The following PACS1 variants were observed in gnomAD, a reference collection of about 807,000 sequenced individuals.
PACS1 encodes the protein PACS-1.
A neutral mutation model predicts 115.0 loss-of-function variants in PACS1; 24 were observed. The ratio of observed to expected loss-of-function variants is 0.21; its 90% confidence interval spans 0.15 to 0.29. PACS1 has a LOEUF of 0.29. PACS1 is among the 10% of genes least tolerant of loss of function. PACS1 has a pLI of 1.00. For synonymous variants in PACS1, 453 were observed against 504.5 expected (o/e 0.90, Z 1.37); for missense variants, 838 against 1,251.2 (o/e 0.67, Z 4.98).
chr11:66,154,266 A>G (rs1007756829), intron 1 of PACS1, among the ~76,000 whole-genome samples: 5 of 152,110 alleles, frequency 3.3e-5, no homozygotes, highest in Non-Finnish European at 5.9e-5. Context: ...GTGAGATCCC[A>G]TCTCTGCAAA....
chr11:66,144,119 C>T (rs929447201), intron 1 of PACS1, among the ~76,000 whole-genome samples: 1 of 152,176 alleles, frequency 6.6e-6, no homozygotes, highest in East Asian at 1.9e-4. Flanking sequence ...AACTAAGAGT[C>T]AGAAGTTCTT....
intron 1 of PACS1, among the ~76,000 whole-genome samples, chr11:66,188,704 C>G (rs1854445281): frequency 6.6e-6 from 1 of 152,072 alleles, no homozygotes; most frequent in Non-Finnish European, 1.5e-5. Context: ...GCTAACTAAC[C>G]CAGCTTCCTA....
At chr11:66,198,372 CA>C (rs2134680349) in intron 2 of PACS1, among the ~76,000 whole-genome samples, 1 of 152,310 alleles carries the variant, frequency 6.6e-6, no homozygotes, top group Admixed American at 6.5e-5. Context: ...ATCAACTGAT[CA>C]ATGGATAAAT....
chr11:66,239,024 G>C, intron 20 of PACS1, 118 bp from the exon 21 acceptor site: 1 of 1,505,192 alleles, frequency 6.6e-7, no homozygotes, highest in East Asian at 2.3e-5. Context: ...GGTGGAAGGA[G>C]CCTGGGGCCA....
At chr11:66,190,285 G>A (rs746381222) in intron 1 of PACS1, among the ~76,000 whole-genome samples, 7 of 152,140 alleles carry the variant, frequency 4.6e-5, no homozygotes, top group African/African-American at 7.2e-5. Context: ...AGATGAGGAC[G>A]AACGTTGGGC....
intron 1 of PACS1, among the ~76,000 whole-genome samples, chr11:66,090,358 A>T (rs1857640462): frequency 6.9e-6 from 1 of 145,650 alleles, no homozygotes; most frequent in South Asian, 2.1e-4. Context: ...CTGCAGCCTG[A>T]ACCTCCCAGG....
In PACS1 at chr11:66,167,201, A is replaced by G. The variant is rs181154842; in HGVS notation, c.357-26285A>G. 2.7e-5 allele frequency among the ~76,000 whole-genome samples: 4 copies of G among 150,502 alleles called. No individual in the cohort carries two copies. In the East Asian group the frequency reaches 7.7e-4, roughly 29 times the overall value. On this transcript the variant is annotated intron_variant, in intron 1 of 23. Transcript: ENST00000320580. ...CATTAGTGTTTCCTCTTCCGGAAAC[A>G]TGGAGCGTCTGTTCATGTCTTTTGC...
intron 1 of PACS1, among the ~76,000 whole-genome samples, chr11:66,081,425 C>T (rs142358246): frequency 2.0e-5 from 3 of 151,970 alleles, no homozygotes; most frequent in African/African-American, 4.8e-5. Context: ...CCTGCCCCCC[C>T]CAACCAAAAC....
At chr11:66,214,451 C>A (rs546224835) in intron 4 of PACS1, among the ~76,000 whole-genome samples, 1 of 152,206 alleles carries the variant, frequency 6.6e-6, no homozygotes, top group South Asian at 2.1e-4. Context: ...AGGACTTACA[C>A]TAAAATTAGT....
At chr11:66,220,374 G>A (rs998197053) in intron 8 of PACS1, 14 of 480,228 alleles carry the variant, frequency 2.9e-5, no homozygotes, top group Non-Finnish European at 4.1e-5. Flanking sequence ...GATGGGCCTC[G>A]GGATTCCTCA....
In PACS1 at chr11:66,076,206, G is replaced by A. The variant is rs116582585; in HGVS notation, c.356+5364G>A. Among the ~76,000 whole-genome samples the A allele has an allele frequency of 5.1e-3, 777 of 152,268 alleles. 6 individuals carry two copies. Among genetic ancestry groups the A allele is most frequent in the African/African-American group, 0.017 (727 of 41,544 alleles). ...GACTTTCACAGAGTCCATTTTACATGTATTGATTTACAGATCTTTTGGACA... is the reference window on the plus strand; with the variant it reads ...GACTTTCACAGAGTCCATTTTACATATATTGATTTACAGATCTTTTGGACA... On this transcript the variant is annotated intron_variant, in intron 1 of 23. Coordinates refer to ENST00000320580, the MANE Select transcript of PACS1 (RefSeq NM_018026.4).
At chr11:66,133,604 T>C (rs1424577882) in intron 1 of PACS1, among the ~76,000 whole-genome samples, 1 of 152,140 alleles carries the variant, frequency 6.6e-6, no homozygotes, top group African/African-American at 2.4e-5. Context: ...CAGCCTCCGA[T>C]TCCTGTGTTC....
chr11:66,096,965 G>T (rs1215262073), intron 1 of PACS1, among the ~76,000 whole-genome samples: 1 of 151,252 alleles, frequency 6.6e-6, no homozygotes, highest in Non-Finnish European at 1.5e-5. Context: ...CTCCCAAAGT[G>T]CTGGGATTAC....
intron 22 of PACS1, among the ~76,000 whole-genome samples, 157 bp from the exon 23 acceptor site, chr11:66,242,755 C>A (rs1855841449): frequency 6.6e-6 from 1 of 152,046 alleles, no homozygotes; most frequent in Non-Finnish European, 1.5e-5. Context: ...GAGTCAGGAA[C>A]CTGAAGATCC....
chr11:66,179,929 G>A (rs914083625), intron 1 of PACS1, among the ~76,000 whole-genome samples: 1 of 152,066 alleles, frequency 6.6e-6, no homozygotes, highest in African/African-American at 2.4e-5. Context: ...TCAGCTCACT[G>A]CAACCTCCGC....
At chr11:66,146,050 A>G (rs576417831) in intron 1 of PACS1, among the ~76,000 whole-genome samples, 6 of 152,184 alleles carry the variant, frequency 3.9e-5, no homozygotes, top group Non-Finnish European at 8.8e-5. Context: ...TAAAACATCT[A>G]GTTTTTTAAA....
At chr11:66,207,824 C>CA (rs1854978210) in intron 2 of PACS1, among the ~76,000 whole-genome samples, 1 of 151,968 alleles carries the variant, frequency 6.6e-6, no homozygotes, top group Non-Finnish European at 1.5e-5. Context: ...GGCTGGAGTG[C>CA]AATGATATGA....
At chr11:66,176,563 G>A (rs1237485735) in intron 1 of PACS1, among the ~76,000 whole-genome samples, 1 of 151,952 alleles carries the variant, frequency 6.6e-6, no homozygotes, top group African/African-American at 2.4e-5. Flanking sequence ...ACAGGCATGT[G>A]CTACCACGCC....
At chr11:66,132,029 G>T (rs190766253) in intron 1 of PACS1, among the ~76,000 whole-genome samples, 1 of 151,824 alleles carries the variant, frequency 6.6e-6, no homozygotes, top group Non-Finnish European at 1.5e-5. Context: ...ATCTCTGGGG[G>T]ATTGGTTCCA....
Sources: allele counts gnomAD v4.1 joint callset (sites outside exome capture counted in the v4.1 genomes callset), GRCh38; gene constraint gnomAD v4.1.1; transcripts MANE v1.5; gene names NCBI Gene and HGNC (gene_info 2026-07-23, HGNC 2026-07-21).